The following COX7B2 variants were observed in gnomAD, a reference collection of about 807,000 sequenced individuals.
COX7B2 encodes cytochrome c oxidase subunit 7B2, also known as cytochrome c oxidase subunit 7B2, mitochondrial.
For missense variants in COX7B2, 109 were observed against 95.9 expected (o/e 1.14, Z -0.57); for synonymous variants, 37 against 32.1 (o/e 1.15, Z -0.51).
At chr4:46,885,031 T>C (rs917847883) in intron 1 of COX7B2, among the ~76,000 whole-genome samples, 3 of 152,140 alleles carry the variant, frequency 2.0e-5, no homozygotes, top group African/African-American at 7.2e-5. Context: ...GAAATGCCAA[T>C]ACATATAAAT....
At chr4:46,821,423 A>C (rs1032373450) in intron 2 of COX7B2, among the ~76,000 whole-genome samples, 7 of 152,230 alleles carry the variant, frequency 4.6e-5, no homozygotes, top group Non-Finnish European at 1.0e-4. Context: ...TCTATGCTTG[A>C]ACTGACATAA....
chr4:46,897,205 A>C (rs1381473059), intron 1 of COX7B2, among the ~76,000 whole-genome samples: 1 of 151,994 alleles, frequency 6.6e-6, no homozygotes, highest in Non-Finnish European at 1.5e-5. Context: ...AATACAGGTC[A>C]CTCAGGCCAC....
intron 1 of COX7B2, among the ~76,000 whole-genome samples, chr4:46,873,624 T>G (rs1162602344): frequency 6.6e-6 from 1 of 152,176 alleles, no homozygotes; most frequent in Admixed American, 6.6e-5. Flanking sequence ...AATTAATACA[T>G]AAATCACCTA....
chr4:46,817,549 T>G (rs1397460807), intron 2 of COX7B2, among the ~76,000 whole-genome samples: 4 of 152,234 alleles, frequency 2.6e-5, no homozygotes. Context: ...TGGGCAACTT[T>G]AATTTGTTAT....
intron 2 of COX7B2, among the ~76,000 whole-genome samples, chr4:46,738,071 G>A (rs1023419849): frequency 2.0e-5 from 3 of 152,094 alleles, no homozygotes; most frequent in Non-Finnish European, 4.4e-5. Flanking sequence ...AGGTGACATC[G>A]GTCAGGGTAT....
At chr4:46,775,242 G>A (rs1717091302) in intron 2 of COX7B2, among the ~76,000 whole-genome samples, 3 of 152,020 alleles carry the variant, frequency 2.0e-5, no homozygotes, top group Admixed American at 2.0e-4. Flanking sequence ...GTTATGAAAA[G>A]CATATATTAT....
intron 2 of COX7B2, among the ~76,000 whole-genome samples, chr4:46,753,666 G>C (rs1189064718): frequency 6.6e-6 from 1 of 152,022 alleles, no homozygotes. Flanking sequence ...AGGACTTCAT[G>C]TCTAAAACAC....
chr4:46,777,255 T>C (rs1044632103), intron 2 of COX7B2, among the ~76,000 whole-genome samples: 1 of 152,006 alleles, frequency 6.6e-6, no homozygotes, highest in Non-Finnish European at 1.5e-5. Flanking sequence ...CTGAATGAAA[T>C]GCTTTTAAAA....
At chr4:46,857,336 C>T (rs898383642) in intron 1 of COX7B2, among the ~76,000 whole-genome samples, 3 of 152,174 alleles carry the variant, frequency 2.0e-5, no homozygotes, top group Admixed American at 1.3e-4. Flanking sequence ...AGATGGAAAA[C>T]ATTTTTCAGT....
chr4:46,850,901 A>T (rs1716632469), intron 1 of COX7B2, among the ~76,000 whole-genome samples: 1 of 152,104 alleles, frequency 6.6e-6, no homozygotes, highest in Non-Finnish European at 1.5e-5. Context: ...GAATCCATTA[A>T]GTTTGCTTGT....
rs1034064423 is a variant in COX7B2 at position 46,863,113 on chromosome 4, G to A, written c.-104-18099C>T. Among the ~76,000 whole-genome samples the A allele has an allele frequency of 3.3e-5, 5 of 152,004 alleles. No homozygotes were observed. The East Asian group carries it at 9.6e-4, about 29-fold the overall frequency. On this transcript the variant is annotated intron_variant, in intron 1 of 2. Coordinates refer to ENST00000355591, the MANE Select transcript of COX7B2 (RefSeq NM_130902.3). The stretch of plus-strand genomic sequence containing the variant: ...TTTTATCGAGAAAAAGAATAACTTT[G>A]TCTAATTCAAAAGCTATGTAAAGGT...
At chr4:46,890,375 C>T (rs1393545777) in intron 1 of COX7B2, among the ~76,000 whole-genome samples, 3 of 152,098 alleles carry the variant, frequency 2.0e-5, no homozygotes, top group African/African-American at 7.2e-5. Flanking sequence ...GCAGATGGAA[C>T]CCCTAGAACA....
At chr4:46,840,742 T>C (rs1267722387) in intron 2 of COX7B2, among the ~76,000 whole-genome samples, 1 of 152,052 alleles carries the variant, frequency 6.6e-6, no homozygotes, top group African/African-American at 2.4e-5. Context: ...CTGCTTCAAG[T>C]TGTCCACTGT....
intron 2 of COX7B2, among the ~76,000 whole-genome samples, chr4:46,831,979 G>C (rs1577627094): frequency 6.6e-6 from 1 of 152,172 alleles, no homozygotes; most frequent in East Asian, 1.9e-4. Context: ...TCTAGCTCAG[G>C]AATGGTAAAT....
At chr4:46,805,400 C>A (rs964752487) in intron 2 of COX7B2, among the ~76,000 whole-genome samples, 9 of 152,214 alleles carry the variant, frequency 5.9e-5, no homozygotes, top group African/African-American at 1.2e-4. Context: ...AAGTAATATA[C>A]CACAAAACTA....
In COX7B2 at chr4:46,850,972, T is replaced by C. The variant is rs576059504; in HGVS notation, c.-104-5958A>G. ...GATGTTGCCAATTTATTTCCTTCTC[T>C]TCGGATGTGAACTAAGAAATACCAA... On this transcript the variant is annotated intron_variant, in intron 1 of 2. Transcript: ENST00000355591. Among the ~76,000 whole-genome samples, 20 of 152,230 alleles carry C rather than the reference T, an allele frequency of 1.3e-4. No individual in the cohort carries two copies. The South Asian group carries it at 4.1e-3, about 32-fold the overall frequency.
In COX7B2 at chr4:46,800,497, A is replaced by C. The variant is rs568811707; in HGVS notation, c.-50+44463T>G. On this transcript the variant is annotated intron_variant, in intron 2 of 2. Coordinates refer to ENST00000355591, the MANE Select transcript of COX7B2 (RefSeq NM_130902.3). ...ATCAACAAATCATCAATAAAAAACA[A>C]TGCAGAAAGGGCACCCTATTCGATA... 2.6e-5 allele frequency among the ~76,000 whole-genome samples: 4 copies of C among 152,296 alleles called. No homozygotes were observed. The South Asian group carries it at 8.3e-4, about 32-fold the overall frequency.
At chr4:46,755,143 C>A (rs2109449897) in intron 2 of COX7B2, among the ~76,000 whole-genome samples, 1 of 152,036 alleles carries the variant, frequency 6.6e-6, no homozygotes, top group African/African-American at 2.4e-5. Context: ...ATACTCATAT[C>A]AATAAATGCT....
At chr4:46,876,182 A>G (rs1320863923) in intron 1 of COX7B2, among the ~76,000 whole-genome samples, 1 of 152,218 alleles carries the variant, frequency 6.6e-6, no homozygotes, top group Non-Finnish European at 1.5e-5. Context: ...ATACAACTGT[A>G]CTAGCTGTAC....
Sources: allele counts gnomAD v4.1 joint callset (sites outside exome capture counted in the v4.1 genomes callset), GRCh38; gene constraint gnomAD v4.1.1; transcripts MANE v1.5; gene names NCBI Gene and HGNC (gene_info 2026-07-23, HGNC 2026-07-21).